PAK4: variants seen among roughly 807,000 people sequenced by gnomAD.
PAK4 encodes serine/threonine-protein kinase PAK 4.
Under a neutral mutation model 53.5 loss-of-function variants are expected in PAK4, and 49 were observed. The ratio of observed to expected loss-of-function variants is 0.92; its 90% CI spans 0.73 to 1.16. The LOEUF is 1.16. PAK4 is among the 50% of genes most tolerant of loss of function. The pLI, the probability that PAK4 is intolerant of heterozygous loss-of-function variation, is 0.00. For synonymous variants in PAK4, 376 were observed against 375.6 expected (o/e 1.00, Z -0.01); for missense variants, 824 against 850.7 (o/e 0.97, Z 0.39).
chr19:39,164,512 A>C (rs2074337852), intron 1 of PAK4, among the ~76,000 whole-genome samples: 1 of 152,046 alleles, frequency 6.6e-6, no homozygotes, highest in Non-Finnish European at 1.5e-5. Flanking sequence ...CATGTCTAGG[A>C]TTTGAGGAAC....
Position 39,172,790 on chromosome 19 carries a change from G to A in PAK4, c.205-128G>A, listed in dbSNP as rs146717045. 1.8e-4 allele frequency: 140 copies of A among 793,374 alleles called. No homozygotes were observed. In the African/African-American group the frequency reaches 2.2e-3, roughly 12 times the overall value. 49.1% of individuals were successfully genotyped at this position (793,374 alleles called of 1,614,324 possible). On this transcript the variant is annotated intron_variant, in intron 2 of 8. Transcript: ENST00000358301. ...CTGCCCATGCCATTGTCACTCCATG[G>A]CATCTCTTCATTGCGTCTCTGTCTT...
chr19:39,158,218 TGC>T (rs1391924500), intron 1 of PAK4, among the ~76,000 whole-genome samples: 2 of 151,916 alleles, frequency 1.3e-5, no homozygotes, highest in African/African-American at 2.4e-5. Flanking sequence ...TGTGTGGGTG[TGC>T]GTGTGTGTGC....
intron 1 of PAK4, among the ~76,000 whole-genome samples, chr19:39,157,518 G>A (rs1203997797): frequency 1.3e-5 from 2 of 152,174 alleles, no homozygotes; most frequent in South Asian, 2.1e-4. Flanking sequence ...CATGTACTCT[G>A]AGCCAGGCTG....
intron 1 of PAK4, among the ~76,000 whole-genome samples, chr19:39,162,662 G>C (rs909786545): frequency 6.6e-6 from 1 of 152,144 alleles, no homozygotes. Flanking sequence ...ACCCGACTTA[G>C]TAGATGTTTT....
At position 39,172,853 on chromosome 19, in the gene PAK4, C is replaced by T. The variant is rs953209993; in HGVS notation, c.205-65C>T. On this transcript the variant is annotated intron_variant, in intron 2 of 8. Transcript: ENST00000358301. ...GTCGTGCTGTCCTGTCCCTGCGTGT[C>T]GGATGCACGTCCTGTGTGCCCCACT... 9.8e-6 allele frequency: 13 copies of T among 1,329,692 alleles called. No individual in the cohort carries two copies. The South Asian group carries it at 9.8e-5, about 10-fold the overall frequency. 82.4% of individuals were successfully genotyped at this position (1,329,692 alleles called of 1,614,324 possible). A position where few individuals can be genotyped will look rare whatever the true frequency, so the allele number is the denominator to read the frequency against.
At position 39,173,727 on chromosome 19, in the gene PAK4, CCCCT is replaced by C. The variant is rs767881162; in HGVS notation, c.818_821del (p.Pro273GlnfsTer95). On this transcript the variant is annotated frameshift_variant, in exon 4 of 9. Transcript: ENST00000358301. LOFTEE classifies it high-confidence loss of function. This position sits in a 1 kb window ranked among gnomAD's most constrained non-coding sequence, Gnocchi z 6.9. ...CCCCACGCCTCAGAGCCCCAGCTGG[CCCCT>C]CCAGCCTGCACCCCCGCCGCCCCTG... 1.9e-6 allele frequency: 3 copies of C among 1,575,554 alleles called. No individual in the cohort carries two copies. Among genetic ancestry groups the C allele is most frequent in the Non-Finnish European group, 2.6e-6 (3 of 1,163,588 alleles).
chr19:39,159,554 T>G (rs1485746589), intron 1 of PAK4, among the ~76,000 whole-genome samples: 1 of 152,022 alleles, frequency 6.6e-6, no homozygotes, highest in East Asian at 1.9e-4. Flanking sequence ...CCCAGCTAAT[T>G]TTTGTATTTT....
intron 1 of PAK4, among the ~76,000 whole-genome samples, chr19:39,157,449 A>G (rs1302931697): frequency 6.6e-6 from 1 of 152,032 alleles, no homozygotes; most frequent in East Asian, 1.9e-4. Context: ...CGGTCCATCC[A>G]TGGCTCTTCT....
intron 1 of PAK4, among the ~76,000 whole-genome samples, chr19:39,149,124 C>T (rs1175043220): frequency 6.6e-6 from 1 of 152,146 alleles, no homozygotes; most frequent in Non-Finnish European, 1.5e-5. Context: ...TACCTTGTGA[C>T]CCAGCAATTC....
chr19:39,158,293 G>C (rs1049400138), intron 1 of PAK4, among the ~76,000 whole-genome samples: 2 of 152,250 alleles, frequency 1.3e-5, no homozygotes, highest in Admixed American at 6.5e-5. Context: ...GCTGCTGTGT[G>C]TTGGGTCTGT....
intron 1 of PAK4, among the ~76,000 whole-genome samples, chr19:39,130,737 G>C (rs1249289408): frequency 1.3e-5 from 2 of 152,000 alleles, no homozygotes; most frequent in African/African-American, 4.8e-5. Flanking sequence ...GAGGCTTGGA[G>C]GCGGTGTTGG....
At chr19:39,147,774 T>TATCC (rs768936972) in intron 1 of PAK4, among the ~76,000 whole-genome samples, 1 of 151,854 alleles carries the variant, frequency 6.6e-6, no homozygotes. Context: ...GCCATCTGTG[T>TATCC]ATCCTCTTCA....
chr19:39,164,670 C>G (rs1473321868), intron 1 of PAK4, among the ~76,000 whole-genome samples: 2 of 152,236 alleles, frequency 1.3e-5, no homozygotes, highest in East Asian at 3.9e-4. Context: ...AGGCTGTGAA[C>G]TCTGGAGTGG....
chr19:39,135,675 C>G lies in PAK4; in HGVS notation c.-23+9756C>G, dbSNP rs369497521. 2.2e-4 allele frequency among the ~76,000 whole-genome samples: 33 copies of G among 152,054 alleles called. 1 individual carries two copies. Among genetic ancestry groups the G allele is most frequent in the African/African-American group, 8.0e-4 (33 of 41,482 alleles). On this transcript the variant is annotated intron_variant, in intron 1 of 8. Coordinates refer to ENST00000358301, the Ensembl canonical transcript of PAK4. ...TGACCAGCTTTGCGCTGGGGCCCAG[C>G]GACTGAAGGGTGAACCCAAACAACA... is the stretch of plus-strand genomic sequence containing the variant.
intron 1 of PAK4, among the ~76,000 whole-genome samples, chr19:39,162,403 A>G (rs948609066): frequency 6.6e-6 from 1 of 152,068 alleles, no homozygotes; most frequent in Non-Finnish European, 1.5e-5. Flanking sequence ...CCACAGGCGC[A>G]CACCACCACA....
chr19:39,136,027 CT>C (rs1275715165), intron 1 of PAK4, among the ~76,000 whole-genome samples: 2 of 134,366 alleles, frequency 1.5e-5, no homozygotes, highest in Non-Finnish European at 3.2e-5. Context: ...ACCCCCCTTC[CT>C]CGCCACCCCC....
intron 1 of PAK4, among the ~76,000 whole-genome samples, chr19:39,159,018 G>A (rs774090280): frequency 7.9e-5 from 12 of 152,218 alleles, no homozygotes; most frequent in Non-Finnish European, 1.5e-4. Flanking sequence ...AGTCACTGTT[G>A]TAAATGTTTT....
chr19:39,126,807 C>T (rs2073592948), intron 1 of PAK4, among the ~76,000 whole-genome samples: 1 of 152,208 alleles, frequency 6.6e-6, no homozygotes, highest in Admixed American at 6.5e-5. Flanking sequence ...GGTCGTATTT[C>T]ACTCCTGCTG....
At chr19:39,127,924 C>T (rs1051026746) in intron 1 of PAK4, among the ~76,000 whole-genome samples, 2 of 152,136 alleles carry the variant, frequency 1.3e-5, no homozygotes, top group African/African-American at 2.4e-5. Context: ...CTCGGGTGCA[C>T]AGTTGGGGAT....
Sources: gnomAD v4.1 joint callset for allele counts (sites outside exome capture counted in the v4.1 genomes callset) on GRCh38, gnomAD v4.1.1 for gene constraint, Gnocchi (gnomAD v3.1) non-coding constraint, MANE v1.5 for transcripts, NCBI Gene and HGNC (gene_info 2026-07-23, HGNC 2026-07-21) for gene names.